The following LDB3 variants were observed in gnomAD, a reference collection of about 807,000 sequenced individuals.
LDB3 encodes LIM domain-binding protein 3.
Under a neutral mutation model 69.0 loss-of-function variants are expected in LDB3, and 49 were observed. The observed-to-expected ratio is 0.71, with a 90% CI of 0.56 to 0.90. The LOEUF (loss-of-function observed/expected upper bound fraction) is 0.90. Among genes scored for constraint, LDB3 ranks in the 40% least tolerant of loss-of-function variants. The pLI is 0.00. For missense variants in LDB3, 928 were observed against 974.1 expected (o/e 0.95, Z 0.63); for synonymous variants, 387 against 396.2 (o/e 0.98, Z 0.28).
intron 13 of LDB3, among the ~76,000 whole-genome samples, chr10:86,726,805 G>T (rs1162392532): frequency 6.6e-6 from 1 of 152,128 alleles, no homozygotes; most frequent in Non-Finnish European, 1.5e-5. Flanking sequence ...ATAAGCCCTG[G>T]ATTAACTATT....
intron 5 of LDB3, chr10:86,687,234 C>A: frequency 6.2e-7 from 1 of 1,614,194 alleles, no homozygotes. Flanking sequence ...TGGATGCCAT[C>A]GCTGGGCAGG....
chr10:86,692,409 C>G, intron 6 of LDB3, 126 bp from the exon 7 acceptor site: 1 of 976,220 alleles, frequency 1.0e-6, no homozygotes. Flanking sequence ...ACACAGTGGA[C>G]AGGCAAGGGG....
rs1847612078 is a variant in LDB3, at chr10:86,735,779, C to CTAA, written c.*2803_*2804insTAA. On this transcript the variant is annotated 3_prime_UTR_variant, in exon 14 of 14. Coordinates refer to ENST00000361373, the MANE Select transcript of LDB3 (RefSeq NM_007078.3). ...GGGCAACAGGAGCGAAACTCCGTTGCAAAAAAAAAAAAAAAAAAAAAATTA... is the reference window on the plus strand; with the variant it reads ...GGGCAACAGGAGCGAAACTCCGTTGCTAAAAAAAAAAAAAAAAAAAAAAAATTA... The CTAA allele has an allele frequency of 1.4e-5, 1 of 69,976 alleles. No individual in the cohort carries two copies. Among genetic ancestry groups the CTAA allele is most frequent in the South Asian group, 5.6e-4 (1 of 1,798 alleles). The allele number at this position is 69,976 out of a possible 1,614,324, so 4.3% of individuals were successfully genotyped here. A position where few individuals can be genotyped will look rare whatever the true frequency, so the allele number is the denominator to read the frequency against.
At chr10:86,668,082 C>G (rs1284707357), upstream of LDB3, among the ~76,000 whole-genome samples, 1 of 152,172 alleles carries the variant, frequency 6.6e-6, no homozygotes, top group Non-Finnish European at 1.5e-5. Context: ...CAACCCTGGG[C>G]CAGTCACAGA....
At chr10:86,712,246 C>T (rs1846697355) in intron 9 of LDB3, among the ~76,000 whole-genome samples, 3 of 152,102 alleles carry the variant, frequency 2.0e-5, no homozygotes. Context: ...CAGATTCTAG[C>T]CTGCCTCTGT....
chr10:86,701,247 A>G (rs1846252376), intron 7 of LDB3, among the ~76,000 whole-genome samples: 1 of 152,108 alleles, frequency 6.6e-6, no homozygotes, highest in African/African-American at 2.4e-5. Flanking sequence ...GCAAGGCCCA[A>G]GGGTGGGTTG....
At chr10:86,680,377 C>T (rs1845045738) in intron 4 of LDB3, among the ~76,000 whole-genome samples, 1 of 152,254 alleles carries the variant, frequency 6.6e-6, no homozygotes, top group East Asian at 1.9e-4. Context: ...GAATGAATGC[C>T]TGCCTGGGTG....
intron 9 of LDB3, among the ~76,000 whole-genome samples, chr10:86,713,043 CAG>C (rs745985039): frequency 6.6e-5 from 10 of 151,020 alleles, no homozygotes; most frequent in African/African-American, 9.8e-5. Flanking sequence ...ACTTGGGCGA[CAG>C]AGCAAGGCTC....
At chr10:86,668,913 C>T (rs987893105) in intron 2 of LDB3, 129 bp downstream of exon 2, 1 of 734,244 alleles carries the variant, frequency 1.4e-6, no homozygotes, top group African/African-American at 1.7e-5. Flanking sequence ...TCCCCTGGGA[C>T]TGGCCTGGTC....
chr10:86,708,099 C>A (rs551313995), intron 8 of LDB3, among the ~76,000 whole-genome samples: 1 of 152,356 alleles, frequency 6.6e-6, no homozygotes, highest in African/African-American at 2.4e-5. Context: ...CAGCACCAGG[C>A]TTAGGTCTCA....
In LDB3 at chr10:86,732,886, G is replaced by C; in HGVS notation, c.2095-1G>C. 6.2e-7 allele frequency: 1 copy of C among 1,613,270 alleles called. No homozygotes were observed. Among genetic ancestry groups the C allele is most frequent in the Non-Finnish European group, 8.5e-7 (1 of 1,179,540 alleles). On this transcript the variant is annotated splice_acceptor_variant, in intron 13 of 13. Transcript: ENST00000361373. LOFTEE classifies it high-confidence loss of function. ...TCACGCAGGTCTGTTCTCTGCTCCAGGTCTGCCATGTGAATCTGGAGGGGC... is the reference window on the plus strand; with the variant it reads ...TCACGCAGGTCTGTTCTCTGCTCCACGTCTGCCATGTGAATCTGGAGGGGC...
intron 7 of LDB3, among the ~76,000 whole-genome samples, chr10:86,700,696 C>T (rs753925621): frequency 6.6e-6 from 1 of 152,184 alleles, no homozygotes; most frequent in African/African-American, 2.4e-5. Flanking sequence ...CTAGGAAGGG[C>T]AGCAGCAGCC....
intron 12 of LDB3, among the ~76,000 whole-genome samples, chr10:86,723,494 T>C (rs1847155977): frequency 6.6e-6 from 1 of 152,034 alleles, no homozygotes; most frequent in South Asian, 2.1e-4. Flanking sequence ...GCCCAGGGCC[T>C]GGTTTGCACA....
chr10:86,698,580 C>CA (rs1846109306), intron 7 of LDB3, among the ~76,000 whole-genome samples: 2 of 152,232 alleles, frequency 1.3e-5, no homozygotes, highest in South Asian at 4.1e-4. Context: ...GCTTGAGCCC[C>CA]AAGAGGCCCC....
chr10:86,706,917 G>A (rs1846466531), intron 8 of LDB3, among the ~76,000 whole-genome samples, 198 bp downstream of exon 8: 1 of 152,190 alleles, frequency 6.6e-6, no homozygotes, highest in African/African-American at 2.4e-5. Context: ...CACTGTGGCG[G>A]GGACTGTCAC....
At chr10:86,670,991 G>C (rs1844441748) in intron 2 of LDB3, among the ~76,000 whole-genome samples, 1 of 152,196 alleles carries the variant, frequency 6.6e-6, no homozygotes, top group Non-Finnish European at 1.5e-5. Flanking sequence ...GGCTCGCAGG[G>C]CCCTTCTGCA....
At chr10:86,669,830 G>A (rs1200531973) in intron 2 of LDB3, among the ~76,000 whole-genome samples, 1 of 152,214 alleles carries the variant, frequency 6.6e-6, no homozygotes, top group Admixed American at 6.5e-5. Context: ...GTAGGCAGGG[G>A]TATCTGGGCT....
chr10:86,682,569 G>A (rs773404672), intron 5 of LDB3, among the ~76,000 whole-genome samples: 3 of 152,148 alleles, frequency 2.0e-5, no homozygotes, highest in East Asian at 1.9e-4. Flanking sequence ...AGCCCTTCAC[G>A]CTTGTTCTCT....
At chr10:86,723,525 A>C (rs1368458921) in intron 12 of LDB3, among the ~76,000 whole-genome samples, 1 of 152,094 alleles carries the variant, frequency 6.6e-6, no homozygotes, top group Non-Finnish European at 1.5e-5. Context: ...GGTGTAAGAG[A>C]AAGTCCAGGG....
Sources: gnomAD v4.1 joint callset for allele counts (sites outside exome capture counted in the v4.1 genomes callset) on GRCh38, gnomAD v4.1.1 for gene constraint, MANE v1.5 for transcripts, NCBI Gene and HGNC (gene_info 2026-07-23, HGNC 2026-07-21) for gene names.